The following TENM4 variants were observed in gnomAD, a reference collection of about 807,000 sequenced individuals.
The protein encoded by TENM4 is teneurin-4.
TENM4 carries 82 observed loss-of-function variants against 243.3 expected under a neutral mutation model. The observed-to-expected ratio is 0.34, with a 90% CI of 0.28 to 0.40. TENM4 has a LOEUF of 0.40. Among genes scored for constraint, TENM4 ranks in the 10% least tolerant of loss-of-function variants. The pLI, the probability that TENM4 is intolerant of heterozygous loss-of-function variation, is 1.00. For synonymous variants in TENM4, 1,412 were observed against 1,456.3 expected, an observed-to-expected ratio of 0.97 and a Z score of 0.69; for missense variants, 3,138 against 3,673.3, an observed-to-expected ratio of 0.85 and a Z score of 3.77.
chr11:78,709,907 G>GA (rs1221641783), intron 26 of TENM4, among the ~76,000 whole-genome samples: 1 of 152,222 alleles, frequency 6.6e-6, no homozygotes, highest in Non-Finnish European at 1.5e-5. Context: ...AGAATCGCAA[G>GA]AATCAGACAT....
chr11:78,684,545 G>GAC (rs150113069), intron 29 of TENM4, among the ~76,000 whole-genome samples: 8,877 of 151,806 alleles, frequency 0.058, 536 homozygotes, highest in African/African-American at 0.15. Context: ...CATACACACA[G>GAC]ACACACACAC....
At position 78,769,908 on chromosome 11, in the gene TENM4, A is replaced by C. The variant is rs1211045695; in HGVS notation, c.2539+1084T>G. 2.0e-5 allele frequency among the ~76,000 whole-genome samples: 3 copies of C among 152,228 alleles called. No homozygotes were observed. In the South Asian group the frequency reaches 6.2e-4, roughly 32 times the overall value. On this transcript the variant is annotated intron_variant, in intron 18 of 33. Transcript: ENST00000278550. ...ACAACATCACACACTTGGCCTTTTA[A>C]TTCTTATGGTGCTTTGGGGTTTGAG...
intron 26 of TENM4, among the ~76,000 whole-genome samples, chr11:78,711,965 T>TA (rs1859408225): frequency 6.6e-6 from 1 of 152,246 alleles, no homozygotes; most frequent in African/African-American, 2.4e-5. Context: ...TGTGGGCATT[T>TA]AGAGGTTCAA....
intron 1 of TENM4, among the ~76,000 whole-genome samples, chr11:79,404,043 A>T (rs1381243625): frequency 2.6e-5 from 4 of 152,164 alleles, no homozygotes; most frequent in African/African-American, 7.2e-5. Context: ...CATGTGTTCC[A>T]TTTCAGCCTC....
intron 6 of TENM4, among the ~76,000 whole-genome samples, chr11:79,044,203 T>C (rs1859603367): frequency 6.6e-6 from 1 of 152,232 alleles, no homozygotes; most frequent in Non-Finnish European, 1.5e-5. Flanking sequence ...ACGTTTCAGT[T>C]AAACACAAAA....
chr11:79,235,606 G>C (rs1864450360), intron 2 of TENM4, among the ~76,000 whole-genome samples: 1 of 152,132 alleles, frequency 6.6e-6, no homozygotes, highest in African/African-American at 2.4e-5. Flanking sequence ...CAGAGAAATG[G>C]GAACTAAAAG....
intron 1 of TENM4, among the ~76,000 whole-genome samples, chr11:79,314,742 A>T (rs944563520): frequency 3.9e-5 from 6 of 152,214 alleles, no homozygotes; most frequent in Non-Finnish European, 5.9e-5. Flanking sequence ...GGGGAGTAAG[A>T]CATAATCCAT....
chr11:78,902,267 C>T (rs1252948995), intron 7 of TENM4, among the ~76,000 whole-genome samples: 17 of 152,160 alleles, frequency 1.1e-4, no homozygotes, highest in Admixed American at 1.0e-3. Flanking sequence ...TTTTTGTCTT[C>T]ATAGTTTTCT....
In TENM4 at chr11:78,670,281, C is replaced by A; in HGVS notation, c.6064G>T (p.Glu2022Ter). ...YKYGKLSKLA[E>*]TLYDTTKVSF... ...ACCTTGGTGGTGTCATAGAGCGTCT[C>A]TGCCAGCTTTGACAGTTTGCCATAC... is the stretch of plus-strand genomic sequence containing the variant. The change falls in exon 32 of 34, where the codon GAG (glutamate) becomes TAG (stop). Residue 2022 changes from glutamate (E) to a stop codon, truncating the protein, a stop_gained. Transcript: ENST00000278550. LOFTEE classifies it high-confidence loss of function. 1 of 1,613,970 alleles carries A rather than the reference C, an allele frequency of 6.2e-7. No individual in the cohort carries two copies.
chr11:78,832,702 A>T (rs1175319663), intron 12 of TENM4, among the ~76,000 whole-genome samples: 2 of 152,236 alleles, frequency 1.3e-5, no homozygotes, highest in African/African-American at 4.8e-5. Context: ...GGCAGGGCCT[A>T]TTATTAATCC....
intron 2 of TENM4, among the ~76,000 whole-genome samples, chr11:79,255,895 C>T (rs921772815): frequency 1.3e-5 from 2 of 152,174 alleles, no homozygotes; most frequent in African/African-American, 4.8e-5. Context: ...CACTGTGTGT[C>T]AGAGCAGAGC....
chr11:78,978,144 G>T (rs779890257), intron 6 of TENM4, among the ~76,000 whole-genome samples: 8 of 151,376 alleles, frequency 5.3e-5, no homozygotes, highest in Non-Finnish European at 1.2e-4. Context: ...ATAAGTGGGG[G>T]TTGAACAATG....
chr11:78,774,225 T>C (rs1245223424), intron 17 of TENM4, among the ~76,000 whole-genome samples: 1 of 152,152 alleles, frequency 6.6e-6, no homozygotes, highest in East Asian at 1.9e-4. Context: ...GTTATTATTA[T>C]TATTGGATTT....
rs114364895 is a variant in TENM4 at position 78,661,716 on chromosome 11, G to C, written c.7409-125C>G. 5,915 of 1,215,880 alleles carry C rather than the reference G, an allele frequency of 4.9e-3. 102 individuals are homozygous for C. The highest frequency in any genetic ancestry group is 0.028 in the African/African-American group (1,887 of 66,794). 75.3% of individuals were successfully genotyped at this position (1,215,880 alleles called of 1,614,324 possible). A position where few individuals can be genotyped will look rare whatever the true frequency, so the allele number is the denominator to read the frequency against. The stretch of plus-strand genomic sequence containing the variant: ...AGGGTGTGGATTGCTGCTGGTGGGA[G>C]AGTCAACTGCTACATACACTTTTCA... On this transcript the variant is annotated intron_variant, in intron 32 of 33. Coordinates refer to ENST00000278550, the MANE Select transcript of TENM4 (RefSeq NM_001098816.3).
At chr11:78,750,849 T>TTGTGTGTGTGTGTGTGTG (rs72172542) in intron 19 of TENM4, among the ~76,000 whole-genome samples, 4 of 145,712 alleles carry the variant, frequency 2.7e-5, no homozygotes, top group Admixed American at 1.4e-4. Flanking sequence ...CAAATGAGGC[T>TTGTGTGTGTGTGTGTGTG]TGTGTGTGTG....
At chr11:78,979,567 G>T (rs796883103) in intron 6 of TENM4, among the ~76,000 whole-genome samples, 21 of 152,298 alleles carry the variant, frequency 1.4e-4, no homozygotes, top group African/African-American at 4.6e-4. Flanking sequence ...GCACATATGT[G>T]TTGTACATGC....
At chr11:78,857,190 C>G (rs1417185695) in intron 10 of TENM4, among the ~76,000 whole-genome samples, 1 of 152,140 alleles carries the variant, frequency 6.6e-6, no homozygotes, top group Non-Finnish European at 1.5e-5. Context: ...ACTGAAAGAC[C>G]AGCATCAAGT....
chr11:79,393,239 T>G (rs1203239591), intron 1 of TENM4, among the ~76,000 whole-genome samples: 1 of 152,038 alleles, frequency 6.6e-6, no homozygotes, highest in African/African-American at 2.4e-5. Flanking sequence ...TCAGAGATCC[T>G]CCTGTTAAAA....
At chr11:78,788,377 A>C (rs1856982952) in intron 15 of TENM4, among the ~76,000 whole-genome samples, 2 of 152,246 alleles carry the variant, frequency 1.3e-5, no homozygotes. Context: ...ACGTGCAGTA[A>C]CACATCAGAT....
Sources: allele counts gnomAD v4.1 joint callset (sites outside exome capture counted in the v4.1 genomes callset), GRCh38; gene constraint gnomAD v4.1.1; transcripts MANE v1.5; gene names NCBI Gene and HGNC (gene_info 2026-07-23, HGNC 2026-07-21).